Variants in PIN4 observed in about 807,000 individuals in gnomAD.
PIN4 encodes peptidylprolyl cis/trans isomerase, NIMA-interacting 4, also known as peptidyl-prolyl cis-trans isomerase NIMA-interacting 4.
Under a neutral mutation model 8.3 loss-of-function variants are expected in PIN4, and 3 were observed. The observed-to-expected ratio is 0.36, with a 90% confidence interval of 0.16 to 0.93. PIN4 has a LOEUF of 0.93. PIN4 is among the 40% of genes least tolerant of loss of function. The pLI is 0.44. For missense variants in PIN4, 75 were observed against 100.6 expected, an observed-to-expected ratio of 0.75 and a Z score of 1.09; for synonymous variants, 18 against 32.5, an observed-to-expected ratio of 0.55 and a Z score of 1.52.
intron 3 of PIN4, among the ~76,000 whole-genome samples, chrX:72,245,069 C>CAAAAAAAAA (rs35952560): frequency 1.5e-4 from 3 of 19,743 alleles, no homozygotes; most frequent in African/African-American, 4.1e-4. Flanking sequence ...GAGATCCTGT[C>CAAAAAAAAA]AAAAAAAAAA....
At chrX:72,238,720 C>T in intron 3 of PIN4, 1 of 592,733 alleles carries the variant, frequency 1.7e-6, no homozygotes, top group Non-Finnish European at 2.6e-6. Context: ...GCGAGAAGAG[C>T]GCGAGCGCGC....
At chrX:72,235,389 C>CTT (rs144267277) in intron 3 of PIN4, among the ~76,000 whole-genome samples, 794 of 68,346 alleles carry the variant, frequency 0.012, 4 homozygotes, top group East Asian at 0.052. Flanking sequence ...CCCTCTTCCA[C>CTT]TTTTTTTTTT....
chrX:72,181,820 C>A lies in PIN4; in HGVS notation c.35C>A (p.Ala12Glu), dbSNP rs376742840. The change falls in exon 1 of 4, where the codon GCG becomes GAG. Residue 12 changes from alanine to glutamate, a missense_variant. By Grantham distance (107) the Ala-to-Glu change is moderately radical. Coordinates refer to ENST00000373669, the MANE Select transcript of PIN4 (RefSeq NM_006223.4). Reference protein sequence around the residue: ...PPKGKSGSGKAGKGGAASGSD... With the variant: ...PPKGKSGSGKEGKGGAASGSD... ...AAAGGAAAAAGTGGTTCTGGAAAAG[C>A]GGGGAAAGGTAGAGCGGCCAGAGCG... The A allele has an allele frequency of 9.6e-6, 11 of 1,145,421 alleles. No homozygotes were observed. The highest frequency in any genetic ancestry group is 3.6e-5 in the African/African-American group (2 of 56,174). 94.4% of individuals were successfully genotyped at this position (1,145,421 alleles called of 1,213,427 possible). A position where few individuals can be genotyped will look rare whatever the true frequency, so the allele number is the denominator to read the frequency against.
intron 3 of PIN4, among the ~76,000 whole-genome samples, chrX:72,232,477 C>T (rs1336409873): frequency 1.9e-5 from 2 of 104,750 alleles, no homozygotes; most frequent in African/African-American, 3.5e-5. Flanking sequence ...TATAGAATTC[C>T]AGCTAATGAA....
At chrX:72,192,756 G>T (rs1403857009) in intron 2 of PIN4, among the ~76,000 whole-genome samples, 2 of 109,957 alleles carry the variant, frequency 1.8e-5, no homozygotes, top group African/African-American at 3.3e-5. Flanking sequence ...ACCATGCCCG[G>T]CTAATTTTTT....
At chrX:72,194,331 T>A (rs1223242857) in intron 2 of PIN4, among the ~76,000 whole-genome samples, 2 of 111,641 alleles carry the variant, frequency 1.8e-5, no homozygotes, top group Non-Finnish European at 3.8e-5. Flanking sequence ...GGTCAGGAGT[T>A]CGAGACCAGC....
intron 1 of PIN4, among the ~76,000 whole-genome samples, chrX:72,184,999 C>T (rs1309271060): frequency 3.7e-5 from 4 of 108,351 alleles, no homozygotes; most frequent in Non-Finnish European, 7.7e-5. Flanking sequence ...AAAAAATTAG[C>T]GGGGCGTGGT....
intron 3 of PIN4, among the ~76,000 whole-genome samples, chrX:72,237,613 A>AG (rs1296994360): frequency 4.7e-5 from 5 of 106,677 alleles, no homozygotes; most frequent in Non-Finnish European, 9.7e-5. Context: ...GAAAAAAAAA[A>AG]AATAGCTGGG....
intron 3 of PIN4, chrX:72,207,850 T>A: frequency 8.3e-7 from 1 of 1,206,625 alleles, no homozygotes; most frequent in African/African-American, 1.7e-5. Context: ...CAAGGCTTTT[T>A]CTCCTGGGGT....
intron 3 of PIN4, among the ~76,000 whole-genome samples, chrX:72,239,357 C>G (rs1300140977): frequency 8.9e-6 from 1 of 112,654 alleles, no homozygotes. Flanking sequence ...CCTGCGTCCC[C>G]CAACCATACC....
rs766957250 is a variant in PIN4 at position 72,226,141 on chromosome X, C to T, written c.312+29237C>T. Among the ~76,000 whole-genome samples the T allele has an allele frequency of 3.6e-5, 4 of 111,838 alleles. No individual in the cohort carries two copies. In the Admixed American group the frequency reaches 3.8e-4, roughly 11 times the overall value. On this transcript the variant is annotated intron_variant, in intron 3 of 3. Transcript: ENST00000423432. ...CATAGATGCTCCCCCCTTAATCCTG[C>T]CACTCTTTTGCCTTCAGGACCAATT...
chrX:72,259,675 ATGTTGG>A (rs201511663), intron 3 of PIN4, among the ~76,000 whole-genome samples: 7,361 of 106,811 alleles, frequency 0.069, 465 homozygotes, highest in East Asian at 0.47. Context: ...CAGCTAGTGA[ATGTTGG>A]TGGGGGTTTT....
At chrX:72,182,475 C>T (rs1225018091) in intron 1 of PIN4, among the ~76,000 whole-genome samples, 1 of 109,176 alleles carries the variant, frequency 9.2e-6, no homozygotes, top group Non-Finnish European at 1.9e-5. Flanking sequence ...ACTCGGGAGG[C>T]AGAGGTTGCA....
chrX:72,226,865 TA>T (rs1208370001), intron 3 of PIN4, among the ~76,000 whole-genome samples: 1 of 111,808 alleles, frequency 8.9e-6, no homozygotes. Flanking sequence ...ACTGCTCTTT[TA>T]TAGGACATTC....
At chrX:72,244,476 G>C (rs768352810) in intron 3 of PIN4, among the ~76,000 whole-genome samples, 6 of 111,677 alleles carry the variant, frequency 5.4e-5, no homozygotes, top group African/African-American at 9.8e-5. Flanking sequence ...AAACTAAACA[G>C]GCTAAGATGG....
chrX:72,252,679 C>T (rs779105180), intron 3 of PIN4, among the ~76,000 whole-genome samples: 8 of 111,992 alleles, frequency 7.1e-5, no homozygotes, highest in South Asian at 3.7e-4. Context: ...CGTGAGCCAC[C>T]GCGCCCGGTC....
At chrX:72,253,604 G>C (rs1418790300) in intron 3 of PIN4, among the ~76,000 whole-genome samples, 2 of 105,653 alleles carry the variant, frequency 1.9e-5, no homozygotes, top group African/African-American at 7.0e-5. Flanking sequence ...CAGCCTGGGC[G>C]ACAGAGCAAC....
At chrX:72,257,295 T>G (rs746373870) in intron 3 of PIN4, among the ~76,000 whole-genome samples, 1 of 111,265 alleles carries the variant, frequency 9.0e-6, no homozygotes, top group Admixed American at 9.6e-5. Context: ...TACTCCAGCC[T>G]GAGTGACAGA....
chrX:72,250,296 T>C (rs1200856230), intron 3 of PIN4, among the ~76,000 whole-genome samples: 7 of 110,452 alleles, frequency 6.3e-5, no homozygotes, highest in Admixed American at 9.8e-5. Flanking sequence ...TCTCAATTTT[T>C]CAAGTTAAAA....
Sources: gnomAD v4.1 joint callset for allele counts (sites outside exome capture counted in the v4.1 genomes callset) on GRCh38, gnomAD v4.1.1 for gene constraint, MANE v1.5 for transcripts, NCBI Gene and HGNC (gene_info 2026-07-23, HGNC 2026-07-21) for gene names.